The following GAS7 variants were observed in gnomAD, a reference collection of about 807,000 sequenced individuals.
GAS7 encodes the protein growth arrest-specific protein 7.
Under a neutral mutation model 71.1 loss-of-function variants are expected in GAS7, and 28 were observed. The observed-to-expected ratio is 0.39, with a 90% CI of 0.29 to 0.54. The LOEUF is 0.54. Among genes scored for constraint, GAS7 ranks in the 20% least tolerant of loss-of-function variants. GAS7 has a pLI of 0.62. For missense variants in GAS7, 436 were observed against 627.8 expected, an observed-to-expected ratio of 0.69 and a Z score of 3.27; for synonymous variants, 258 against 245.8, an observed-to-expected ratio of 1.05 and a Z score of -0.46.
intron 1 of GAS7, among the ~76,000 whole-genome samples, chr17:10,101,751 T>C (rs1034684187): frequency 7.9e-5 from 12 of 152,152 alleles, no homozygotes; most frequent in African/African-American, 2.9e-4. Flanking sequence ...CTCCCTCTCA[T>C]TGGTTAAAGA....
At chr17:10,014,847 T>C (rs2071926633) in intron 2 of GAS7, among the ~76,000 whole-genome samples, 1 of 152,036 alleles carries the variant, frequency 6.6e-6, no homozygotes, top group East Asian at 1.9e-4. Context: ...AAATCCTAAA[T>C]GGATGTGAAA....
chr17:10,193,038 C>G (rs2074514134), intron 1 of GAS7, among the ~76,000 whole-genome samples: 1 of 152,114 alleles, frequency 6.6e-6, no homozygotes, highest in Non-Finnish European at 1.5e-5. Context: ...GGAAAAGGCT[C>G]TGTATTAAAA....
chr17:10,144,518 A>G (rs1003539673), intron 1 of GAS7, among the ~76,000 whole-genome samples: 8 of 152,132 alleles, frequency 5.3e-5, no homozygotes, highest in African/African-American at 1.7e-4. Flanking sequence ...TTATTACACA[A>G]ATCCTTTTCT....
intron 1 of GAS7, among the ~76,000 whole-genome samples, chr17:10,168,969 CA>C (rs58482916): frequency 0.068 from 7,814 of 115,478 alleles, 248 homozygotes; most frequent in South Asian, 0.11. Flanking sequence ...GACTCCATCT[CA>C]AAAAAAAAAA....
At chr17:9,941,131 G>A (rs1006217758) in intron 7 of GAS7, among the ~76,000 whole-genome samples, 4 of 152,220 alleles carry the variant, frequency 2.6e-5, no homozygotes, top group Non-Finnish European at 5.9e-5. Context: ...AGCATTCCGA[G>A]TAATAATAAT....
intron 3 of GAS7, among the ~76,000 whole-genome samples, chr17:9,978,562 C>T: frequency 6.6e-6 from 1 of 151,628 alleles, no homozygotes; most frequent in Non-Finnish European, 1.5e-5. Flanking sequence ...CCTGTAGTTC[C>T]AGCTACTTGA....
At position 10,089,331 on chromosome 17, in the gene GAS7, G is replaced by A. The variant is rs114751490; in HGVS notation, c.184-69434C>T. On this transcript the variant is annotated intron_variant, in intron 1 of 13. Transcript: ENST00000432992. The stretch of plus-strand genomic sequence containing the variant: ...GAGACCTCTTCAATCCAATCCTCCA[G>A]CACAAAATGCAAGCCCGCAAATCTG... Among the ~76,000 whole-genome samples, 923 of 152,214 alleles carry A rather than the reference G, an allele frequency of 6.1e-3. 12 individuals are homozygous for A. The highest frequency in any genetic ancestry group is 0.02 in the African/African-American group (841 of 41,522).
chr17:10,181,285 A>G (rs1375473433), intron 1 of GAS7, among the ~76,000 whole-genome samples: 2 of 151,740 alleles, frequency 1.3e-5, no homozygotes, highest in Non-Finnish European at 2.9e-5. Context: ...GCTTGAACCC[A>G]GGAGGTGGAG....
chr17:10,177,556 G>A (rs114978346), intron 1 of GAS7, among the ~76,000 whole-genome samples: 15 of 152,252 alleles, frequency 9.9e-5, no homozygotes, highest in African/African-American at 2.9e-4. Flanking sequence ...TCCTATGGAG[G>A]TGTTACCTTC....
At chr17:10,183,568 G>A (rs62064617) in intron 1 of GAS7, among the ~76,000 whole-genome samples, 19 of 152,330 alleles carry the variant, frequency 1.2e-4, no homozygotes, top group African/African-American at 4.1e-4. Context: ...GGCTGGGCGC[G>A]GTGGCTCACG....
intron 1 of GAS7, among the ~76,000 whole-genome samples, chr17:10,146,982 C>T (rs1327794824): frequency 8.7e-6 from 1 of 114,516 alleles, no homozygotes; most frequent in Non-Finnish European, 2.0e-5. Context: ...TCTCTGTCTT[C>T]CTGTAGTTAG....
chr17:10,124,039 G>A (rs2073925034), intron 1 of GAS7, among the ~76,000 whole-genome samples: 1 of 152,230 alleles, frequency 6.6e-6, no homozygotes, highest in Non-Finnish European at 1.5e-5. Flanking sequence ...CTCTGTCCTG[G>A]GGCACAGTCG....
At chr17:10,190,048 C>G (rs2074486137) in intron 1 of GAS7, among the ~76,000 whole-genome samples, 1 of 151,994 alleles carries the variant, frequency 6.6e-6, no homozygotes, top group Non-Finnish European at 1.5e-5. Flanking sequence ...TTTATTGGAA[C>G]ACAGGCACGC....
At chr17:10,120,667 G>A (rs545897966) in intron 1 of GAS7, among the ~76,000 whole-genome samples, 7 of 152,256 alleles carry the variant, frequency 4.6e-5, no homozygotes, top group South Asian at 2.1e-4. Flanking sequence ...AGCCAAGATC[G>A]CGTCATTGCA....
chr17:10,025,082 C>T (rs73256417), intron 1 of GAS7, among the ~76,000 whole-genome samples: 6,005 of 152,086 alleles, frequency 0.039, 406 homozygotes, highest in African/African-American at 0.14. Context: ...CAGTGTGGCA[C>T]GGTTAATGGT....
At chr17:10,053,626 TG>T (rs565443711) in intron 1 of GAS7, among the ~76,000 whole-genome samples, 1 of 152,070 alleles carries the variant, frequency 6.6e-6, no homozygotes, top group Non-Finnish European at 1.5e-5. Flanking sequence ...GTGGCATCTG[TG>T]GAGCCCACAG....
At chr17:10,139,236 C>A (rs1300416560) in intron 1 of GAS7, among the ~76,000 whole-genome samples, 2 of 152,162 alleles carry the variant, frequency 1.3e-5, no homozygotes, top group Admixed American at 1.3e-4. Context: ...TCATCTATAA[C>A]CAATTTTAAA....
intron 5 of GAS7, among the ~76,000 whole-genome samples, chr17:9,948,443 G>C (rs1421603703): frequency 6.6e-6 from 1 of 152,210 alleles, no homozygotes; most frequent in African/African-American, 2.4e-5. Context: ...CCAGCACTTT[G>C]GGAGGCCGAG....
chr17:10,060,573 C>A (rs2073209275), intron 1 of GAS7, among the ~76,000 whole-genome samples: 1 of 152,088 alleles, frequency 6.6e-6, no homozygotes, highest in Admixed American at 6.5e-5. Flanking sequence ...TGCCTAGATT[C>A]TGGTCTTCAA....
Sources: gnomAD v4.1 joint callset for allele counts (sites outside exome capture counted in the v4.1 genomes callset) on GRCh38, gnomAD v4.1.1 for gene constraint, MANE v1.5 for transcripts, NCBI Gene and HGNC (gene_info 2026-07-23, HGNC 2026-07-21) for gene names.